Variants in CTNNA3 observed in about 807,000 individuals in gnomAD.
CTNNA3 encodes catenin alpha 3.
A neutral mutation model predicts 95.7 loss-of-function variants in CTNNA3; 76 were observed. The observed-to-expected ratio is 0.79, with a 90% CI of 0.66 to 0.96. The LOEUF (loss-of-function observed/expected upper bound fraction) is 0.96, where lower values mean the gene tolerates loss of function less well. Among genes scored for constraint, CTNNA3 ranks in the 40% least tolerant of loss-of-function variants. The probability of loss-of-function intolerance (pLI) is 0.00; values close to 1 mark genes in which losing one functional copy is unlikely to be tolerated. For synonymous variants in CTNNA3, 431 were observed against 374.4 expected (o/e 1.15, Z -1.74); for missense variants, 1,191 against 1,089.8 (o/e 1.09, Z -1.31).
intron 9 of CTNNA3, among the ~76,000 whole-genome samples, chr10:66,664,577 G>A (rs1385653257): frequency 6.6e-6 from 1 of 151,930 alleles, no homozygotes; most frequent in Non-Finnish European, 1.5e-5. Context: ...ATTATCTTTG[G>A]TGCCATGACT....
chr10:66,358,386 A>G (rs1291331837), intron 12 of CTNNA3, among the ~76,000 whole-genome samples: 1 of 152,172 alleles, frequency 6.6e-6, no homozygotes, highest in Admixed American at 6.5e-5. Context: ...ATATTATTGT[A>G]TGGGGTTATC....
At chr10:66,653,948 C>A (rs60310462) in intron 9 of CTNNA3, among the ~76,000 whole-genome samples, 2 of 151,968 alleles carry the variant, frequency 1.3e-5, no homozygotes, top group African/African-American at 4.8e-5. Flanking sequence ...ATGTAAAAAT[C>A]AACTCAAAAT....
At chr10:67,679,795 T>C (rs1388322182) in intron 1 of CTNNA3, among the ~76,000 whole-genome samples, 3 of 152,342 alleles carry the variant, frequency 2.0e-5, no homozygotes, top group Admixed American at 1.3e-4. Flanking sequence ...AAAGTGAATA[T>C]TGGTAAAATC....
intron 3 of CTNNA3, among the ~76,000 whole-genome samples, chr10:67,554,227 C>T (rs868321841): frequency 3.9e-5 from 6 of 152,168 alleles, no homozygotes; most frequent in African/African-American, 1.4e-4. Flanking sequence ...CATACGTGTG[C>T]ATGTGTCTTT....
At chr10:66,369,404 G>A (rs1276302832) in intron 12 of CTNNA3, among the ~76,000 whole-genome samples, 1 of 152,116 alleles carries the variant, frequency 6.6e-6, no homozygotes, top group Non-Finnish European at 1.5e-5. Context: ...TCTGCTCTCA[G>A]AATTGTTCTT....
intron 7 of CTNNA3, chr10:66,926,582 G>C: frequency 6.2e-7 from 1 of 1,613,918 alleles, no homozygotes; most frequent in South Asian, 1.1e-5. Context: ...ACAATACAAA[G>C]GATGGGTATG....
intron 7 of CTNNA3, among the ~76,000 whole-genome samples, chr10:67,038,444 C>G (rs1481317554): frequency 6.6e-6 from 1 of 151,852 alleles, no homozygotes; most frequent in Admixed American, 6.6e-5. Context: ...AAATATATGT[C>G]CATTAATTAG....
intron 11 of CTNNA3, among the ~76,000 whole-genome samples, chr10:66,471,299 T>C (rs1430414568): frequency 6.6e-6 from 1 of 151,840 alleles, no homozygotes; most frequent in Non-Finnish European, 1.5e-5. Context: ...ATATCTAGTA[T>C]TATTATATCT....
intron 3 of CTNNA3, among the ~76,000 whole-genome samples, chr10:67,604,434 C>T (rs1256570928): frequency 6.6e-6 from 1 of 152,260 alleles, no homozygotes; most frequent in Admixed American, 6.5e-5. Flanking sequence ...GATCCTCCAA[C>T]AGCTACTAAA....
intron 13 of CTNNA3, among the ~76,000 whole-genome samples, chr10:66,127,216 G>A (rs943078441): frequency 6.2e-5 from 9 of 146,188 alleles, no homozygotes; most frequent in African/African-American, 2.3e-4. Context: ...AGCTTGCAGT[G>A]AGCTGAGATC....
chr10:66,401,342 G>A (rs533264049), intron 11 of CTNNA3, among the ~76,000 whole-genome samples: 132 of 152,004 alleles, frequency 8.7e-4, no homozygotes, highest in Non-Finnish European at 1.6e-3. Flanking sequence ...CCTGGCCAAC[G>A]TGGAAAAACC....
chr10:66,064,294 A>G (rs772265612), intron 15 of CTNNA3, among the ~76,000 whole-genome samples: 1 of 152,168 alleles, frequency 6.6e-6, no homozygotes, highest in Non-Finnish European at 1.5e-5. Flanking sequence ...CTCCCTTGAC[A>G]TGTGGGAATT....
At chr10:66,172,692 A>G (rs1427017648) in intron 13 of CTNNA3, among the ~76,000 whole-genome samples, 1 of 152,190 alleles carries the variant, frequency 6.6e-6, no homozygotes, top group East Asian at 1.9e-4. Context: ...AGAAGAATTC[A>G]TATACAGTGA....
chr10:67,453,403 C>T (rs1847060269), intron 5 of CTNNA3, among the ~76,000 whole-genome samples: 1 of 152,114 alleles, frequency 6.6e-6, no homozygotes. Flanking sequence ...TCAACTTGGC[C>T]ATGTTATTTC....
At chr10:67,492,288 G>T (rs1285787196) in intron 5 of CTNNA3, among the ~76,000 whole-genome samples, 1 of 152,074 alleles carries the variant, frequency 6.6e-6, no homozygotes. Flanking sequence ...AAGAACAGTT[G>T]AAGTTAAAAG....
chr10:67,690,897 C>T (rs144238212), intron 1 of CTNNA3, among the ~76,000 whole-genome samples: 2,025 of 152,184 alleles, frequency 0.013, 46 homozygotes, highest in African/African-American at 0.046. Flanking sequence ...CCTCTCCCCA[C>T]GGTCTCCCTC....
At chr10:67,235,227 C>T (rs1865398711) in intron 5 of CTNNA3, among the ~76,000 whole-genome samples, 1 of 151,880 alleles carries the variant, frequency 6.6e-6, no homozygotes, top group East Asian at 1.9e-4. Flanking sequence ...GCCAAAAGAA[C>T]AAAGCTGGAG....
intron 13 of CTNNA3, among the ~76,000 whole-genome samples, chr10:66,190,261 T>C (rs572245175): frequency 1.3e-5 from 2 of 152,064 alleles, no homozygotes; most frequent in Non-Finnish European, 2.9e-5. Flanking sequence ...AGGAATACAA[T>C]GAGATGACAA....
intron 11 of CTNNA3, among the ~76,000 whole-genome samples, chr10:66,495,389 T>C (rs1840066657): frequency 6.6e-6 from 1 of 152,088 alleles, no homozygotes; most frequent in African/African-American, 2.4e-5. Flanking sequence ...CATAACGAGA[T>C]ATAGGCTTGA....
Sources: allele counts gnomAD v4.1 joint callset (sites outside exome capture counted in the v4.1 genomes callset), GRCh38; gene constraint gnomAD v4.1.1; transcripts MANE v1.5; gene names NCBI Gene and HGNC (gene_info 2026-07-23, HGNC 2026-07-21).